Variants in SHQ1 observed in about 807,000 individuals in gnomAD.
The protein encoded by SHQ1 is SHQ1, H/ACA ribonucleoprotein assembly factor, also known as protein SHQ1 homolog.
SHQ1 carries 49 observed loss-of-function variants against 53.8 expected under a neutral mutation model. The ratio of observed to expected loss-of-function variants is 0.91; its 90% CI spans 0.72 to 1.16. The LOEUF (loss-of-function observed/expected upper bound fraction) is 1.16, where lower values mean the gene tolerates loss of function less well. Among genes scored for constraint, SHQ1 ranks in the 50% most tolerant of loss-of-function variants. The probability of loss-of-function intolerance (pLI) is 0.00; values close to 1 mark genes in which losing one functional copy is unlikely to be tolerated. For missense variants in SHQ1, 738 were observed against 683.1 expected (o/e 1.08, Z -0.90); for synonymous variants, 243 against 251.0 (o/e 0.97, Z 0.30).
At position 72,816,704 on chromosome 3, in the gene SHQ1, GAT is replaced by G. The variant is rs146987286; in HGVS notation, c.882+524_882+525del. ...ATGATCCCTTTAAATAGCAAAAAAA[GAT>G]ATAATTCAGGTTTTAAAAAATCTGA... On this transcript the variant is annotated intron_variant, in intron 7 of 10. Transcript: ENST00000325599. 8.3e-3 allele frequency among the ~76,000 whole-genome samples: 1,264 copies of G among 152,232 alleles called. 20 individuals carry two copies. Among genetic ancestry groups the G allele is most frequent in the African/African-American group, 0.027 (1,126 of 41,550 alleles).
chr3:72,782,716 A>T (rs1322341155), intron 10 of SHQ1, among the ~76,000 whole-genome samples: 1 of 152,232 alleles, frequency 6.6e-6, no homozygotes. Flanking sequence ...CAGAAGAAAA[A>T]GGAAATTGTA....
intron 10 of SHQ1, among the ~76,000 whole-genome samples, chr3:72,768,239 A>G (rs999472153): frequency 6.6e-6 from 1 of 152,234 alleles, no homozygotes; most frequent in Non-Finnish European, 1.5e-5. Flanking sequence ...TGCTGCAGGC[A>G]GAGAAGAGCT....
intron 4 of SHQ1, among the ~76,000 whole-genome samples, chr3:72,839,363 C>A (rs901437614): frequency 1.3e-5 from 2 of 152,202 alleles, no homozygotes; most frequent in African/African-American, 4.8e-5. Context: ...AGAATATGGG[C>A]AGACCACAAC....
At chr3:72,800,282 C>T (rs1490338989) in intron 9 of SHQ1, among the ~76,000 whole-genome samples, 1 of 152,186 alleles carries the variant, frequency 6.6e-6, no homozygotes, top group African/African-American at 2.4e-5. Flanking sequence ...TTATAAACTA[C>T]CCAGTCTGTG....
chr3:72,788,768 A>G (rs2106782740), intron 10 of SHQ1, among the ~76,000 whole-genome samples: 1 of 152,334 alleles, frequency 6.6e-6, no homozygotes, highest in South Asian at 2.1e-4. Flanking sequence ...CTGTTAATCT[A>G]TAACCTTACC....
At chr3:72,738,891 A>G in the SHQ1 span, among the ~76,000 whole-genome samples, 3 of 148,712 alleles carry the variant, frequency 2.0e-5, no homozygotes, top group Non-Finnish European at 4.5e-5. Flanking sequence ...CAGTGGCCCC[A>G]CCCCGCCCCG....
intron 10 of SHQ1, among the ~76,000 whole-genome samples, chr3:72,788,177 C>T (rs539715993): frequency 2.0e-5 from 3 of 151,612 alleles, no homozygotes; most frequent in East Asian, 3.9e-4. Context: ...GGCCGCCCAT[C>T]GTCTGGGATG....
chr3:72,799,533 C>T (rs772499272), intron 9 of SHQ1, among the ~76,000 whole-genome samples: 2 of 151,986 alleles, frequency 1.3e-5, no homozygotes, highest in Non-Finnish European at 2.9e-5. Flanking sequence ...AAGTCAAATC[C>T]CTAGCAATTA....
chr3:72,755,900 T>C (rs890062587), intron 10 of SHQ1, among the ~76,000 whole-genome samples: 3 of 152,158 alleles, frequency 2.0e-5, no homozygotes, highest in African/African-American at 7.2e-5. Context: ...CAGGTACTAT[T>C]TATTTCTTTA....
the SHQ1 span, among the ~76,000 whole-genome samples, chr3:72,739,619 G>T: frequency 6.6e-6 from 1 of 152,168 alleles, no homozygotes; most frequent in Non-Finnish European, 1.5e-5. Flanking sequence ...CACTTGTGGA[G>T]CAAGTGGGTT....
chr3:72,808,274 A>G (rs1707014893), intron 9 of SHQ1, among the ~76,000 whole-genome samples: 2 of 152,120 alleles, frequency 1.3e-5, no homozygotes, highest in African/African-American at 4.8e-5. Flanking sequence ...CATACTCATC[A>G]CCCAGGCAGC....
At chr3:72,787,299 C>A (rs559252873) in intron 10 of SHQ1, among the ~76,000 whole-genome samples, 1 of 152,230 alleles carries the variant, frequency 6.6e-6, no homozygotes, top group South Asian at 2.1e-4. Context: ...TTCCCCAGAA[C>A]TACCTACTTA....
chr3:72,733,107 G>A, the SHQ1 span, among the ~76,000 whole-genome samples: 14 of 151,622 alleles, frequency 9.2e-5, no homozygotes, highest in Admixed American at 9.2e-4. Context: ...TGTGCTCCCA[G>A]TACACTCAAC....
At chr3:72,785,585 T>G (rs1028781802) in intron 10 of SHQ1, among the ~76,000 whole-genome samples, 3 of 152,192 alleles carry the variant, frequency 2.0e-5, no homozygotes, top group Non-Finnish European at 2.9e-5. Flanking sequence ...CAGTAGACCC[T>G]CTTGTTCAAC....
At chr3:72,805,671 A>G (rs1706918671) in intron 9 of SHQ1, among the ~76,000 whole-genome samples, 2 of 151,628 alleles carry the variant, frequency 1.3e-5, no homozygotes. Context: ...TTTAAATTGT[A>G]TGTAATATTT....
chr3:72,815,856 T>G (rs1707296549), intron 7 of SHQ1, among the ~76,000 whole-genome samples: 1 of 152,186 alleles, frequency 6.6e-6, no homozygotes, highest in Non-Finnish European at 1.5e-5. Context: ...TGAGAATAAG[T>G]AAATGCTAGA....
rs1283819779 is a variant in SHQ1, at chr3:72,772,787, T to TTGATGGAGTGCCTTTGGA, written c.1181+20111_1181+20128dup. 1.7e-5 allele frequency: 13 copies of TTGATGGAGTGCCTTTGGA among 762,336 alleles called. No individual in the cohort carries two copies. In the East Asian group the frequency reaches 2.5e-4, roughly 14 times the overall value. The allele number at this position is 762,336 out of a possible 1,614,324, so 47.2% of individuals were successfully genotyped here. A position where few individuals can be genotyped will look rare whatever the true frequency, so the allele number is the denominator to read the frequency against. On this transcript the variant is annotated intron_variant, in intron 10 of 10. Coordinates refer to ENST00000325599, the MANE Select transcript of SHQ1 (RefSeq NM_018130.3). ...CCTATAAAAAGTCCTGATGATGATC[T>TTGATGGAGTGCCTTTGGA]TGATGGAGTGCCTTTGGATGCAACT...
chr3:72,726,296 G>A, the SHQ1 span, among the ~76,000 whole-genome samples: 16 of 152,114 alleles, frequency 1.1e-4, no homozygotes, highest in South Asian at 1.2e-3. Flanking sequence ...GGAAAAGCAC[G>A]TCCTCACTTC....
At chr3:72,804,049 T>C (rs916731968) in intron 9 of SHQ1, among the ~76,000 whole-genome samples, 1 of 152,142 alleles carries the variant, frequency 6.6e-6, no homozygotes, top group African/African-American at 2.4e-5. Context: ...CCCAAGTAGT[T>C]AGGACTATAG....
Sources: gnomAD v4.1 joint callset for allele counts (sites outside exome capture counted in the v4.1 genomes callset) on GRCh38, gnomAD v4.1.1 for gene constraint, MANE v1.5 for transcripts, NCBI Gene and HGNC (gene_info 2026-07-23, HGNC 2026-07-21) for gene names.